Variants in TTC7A observed in about 807,000 individuals in gnomAD.
TTC7A encodes the protein tetratricopeptide repeat domain 7A.
A neutral mutation model predicts 103.7 loss-of-function variants in TTC7A; 110 were observed. That is an observed-to-expected ratio of 1.06 (90% CI 0.91 to 1.24). The LOEUF is 1.24. TTC7A is among the 50% of genes most tolerant of loss of function. The probability of loss-of-function intolerance (pLI) is 0.00; values close to 1 mark genes in which losing one functional copy is unlikely to be tolerated. For missense variants in TTC7A, 1,340 were observed against 1,116.3 expected, an observed-to-expected ratio of 1.20 and a Z score of -2.86; for synonymous variants, 521 against 467.9, an observed-to-expected ratio of 1.11 and a Z score of -1.47.
chr2:47,042,519 A>T (rs1205047635), intron 15 of TTC7A, among the ~76,000 whole-genome samples: 1 of 151,658 alleles, frequency 6.6e-6, no homozygotes, highest in Non-Finnish European at 1.5e-5. Context: ...AAAAAAGGAA[A>T]TTTCTTTTAT....
At position 47,022,212 on chromosome 2, in the gene TTC7A, C is replaced by G. The variant is rs542534905; in HGVS notation, c.1510+233C>G. 1.3e-5 allele frequency among the ~76,000 whole-genome samples: 2 copies of G among 152,302 alleles called. 1 individual carries two copies. The highest frequency in any genetic ancestry group is 4.1e-4 in the South Asian group (2 of 4,822). ...CAGACTGTCGCCACCCTCAAGCATG[C>G]CTTCCTCTCCCCTCTTCATGGGCCT... On this transcript the variant is annotated intron_variant, in intron 12 of 19. Coordinates refer to ENST00000319190, the MANE Select transcript of TTC7A (RefSeq NM_020458.4).
chr2:47,010,334 T>C (rs1422897619), intron 10 of TTC7A, among the ~76,000 whole-genome samples: 1 of 152,190 alleles, frequency 6.6e-6, no homozygotes, highest in South Asian at 2.1e-4. Context: ...AGTAAAACTT[T>C]ATTTACAAAA....
At chr2:46,990,657 C>G (rs1470944378) in intron 5 of TTC7A, among the ~76,000 whole-genome samples, 1 of 152,198 alleles carries the variant, frequency 6.6e-6, no homozygotes, top group East Asian at 1.9e-4. Context: ...ATCTTCCTAA[C>G]AGGACTATGA....
chr2:47,067,126 G>A (rs1482088182), intron 19 of TTC7A, among the ~76,000 whole-genome samples: 1 of 152,186 alleles, frequency 6.6e-6, no homozygotes, highest in Non-Finnish European at 1.5e-5. Flanking sequence ...CCTCTTAAAG[G>A]TCTCACACTT....
chr2:46,922,617 T>C (rs1372154678), intron 2 of TTC7A, among the ~76,000 whole-genome samples: 1 of 152,140 alleles, frequency 6.6e-6, no homozygotes, highest in Non-Finnish European at 1.5e-5. Context: ...AAATTTTGTT[T>C]CTGGTTCATA....
chr2:46,917,044 G>C (rs1668839026), intron 1 of TTC7A: 2 of 615,950 alleles, frequency 3.2e-6, no homozygotes, highest in African/African-American at 3.7e-5. Flanking sequence ...TGGCTAAGTA[G>C]TTAGATGCCT....
At chr2:46,927,446 T>C (rs1669448779) in intron 2 of TTC7A, among the ~76,000 whole-genome samples, 1 of 147,566 alleles carries the variant, frequency 6.8e-6, no homozygotes, top group African/African-American at 2.5e-5. Context: ...AGGCTCCACC[T>C]CCCGGGTTCA....
intron 19 of TTC7A, among the ~76,000 whole-genome samples, chr2:47,072,914 C>T (rs1434147839): frequency 6.6e-6 from 1 of 152,194 alleles, no homozygotes; most frequent in Non-Finnish European, 1.5e-5. Context: ...CACTTCCCAG[C>T]CTCTTCTTAT....
intron 4 of TTC7A, among the ~76,000 whole-genome samples, chr2:46,976,559 G>C (rs1673899964): frequency 6.6e-6 from 1 of 152,222 alleles, no homozygotes; most frequent in Non-Finnish European, 1.5e-5. Flanking sequence ...ACCCGTTTTT[G>C]TGATGGGCCA....
chr2:47,057,962 C>G (rs1327028495), intron 18 of TTC7A, among the ~76,000 whole-genome samples: 1 of 152,202 alleles, frequency 6.6e-6, no homozygotes, highest in East Asian at 1.9e-4. Flanking sequence ...CACTCTTTCT[C>G]CTCCTTGTGG....
chr2:46,919,458 G>A lies in TTC7A; in HGVS notation c.82+2181G>A, dbSNP rs796233607. Among the ~76,000 whole-genome samples the A allele has an allele frequency of 5.3e-5, 8 of 152,298 alleles. 1 individual carries two copies. The highest frequency in any genetic ancestry group is 2.1e-4 in the South Asian group (1 of 4,826). On this transcript the variant is annotated intron_variant, in intron 2 of 20. Transcript: ENST00000409245. ...TGAAGCAGGAGAATTGCTTGAACCC[G>A]GGCAGCAGAGGTTGAGGTGAGCTGA...
intron 15 of TTC7A, among the ~76,000 whole-genome samples, chr2:47,039,439 G>A (rs1255428433): frequency 6.6e-6 from 1 of 152,212 alleles, no homozygotes; most frequent in Non-Finnish European, 1.5e-5. Context: ...GGGGACACAG[G>A]GAGGGTGAGG....
chr2:47,022,257 C>T (rs1423898905), intron 12 of TTC7A, among the ~76,000 whole-genome samples: 1 of 152,222 alleles, frequency 6.6e-6, no homozygotes, highest in African/African-American at 2.4e-5. Flanking sequence ...GCCACAGCTC[C>T]AGCAAAGCCC....
At chr2:47,066,501 ACT>A (rs10606574) in intron 19 of TTC7A, among the ~76,000 whole-genome samples, 35,008 of 151,644 alleles carry the variant, frequency 0.23, 6,989 homozygotes, top group East Asian at 0.62. Context: ...AAAAGGATGA[ACT>A]CTCTGGCCAC....
intron 8 of TTC7A, among the ~76,000 whole-genome samples, chr2:47,001,208 G>A (rs1191623336): frequency 6.6e-6 from 1 of 152,174 alleles, no homozygotes; most frequent in Admixed American, 6.5e-5. Flanking sequence ...CCCTGTTTAT[G>A]TCCAGGGTTA....
At chr2:46,975,902 A>G (rs976567031) in intron 4 of TTC7A, among the ~76,000 whole-genome samples, 1 of 151,734 alleles carries the variant, frequency 6.6e-6, no homozygotes, top group Non-Finnish European at 1.5e-5. Flanking sequence ...GTGCCCTTCT[A>G]ATTTTTGTAT....
At chr2:46,938,987 G>C (rs1261609188), upstream of TTC7A, among the ~76,000 whole-genome samples, 1 of 150,830 alleles carries the variant, frequency 6.6e-6, no homozygotes, top group Non-Finnish European at 1.5e-5. Context: ...TTCCAGCCTG[G>C]GCAACAGAGC....
chr2:47,069,445 T>C (rs2103620152), intron 19 of TTC7A, among the ~76,000 whole-genome samples: 1 of 152,244 alleles, frequency 6.6e-6, no homozygotes, highest in East Asian at 1.9e-4. Flanking sequence ...GTTGGGCTCC[T>C]TGTGAGTCTG....
At chr2:46,931,528 T>C (rs2103842350) in intron 2 of TTC7A, among the ~76,000 whole-genome samples, 1 of 148,254 alleles carries the variant, frequency 6.7e-6, no homozygotes, top group South Asian at 2.1e-4. Context: ...AGGGTCAGAG[T>C]CAGAGTAGAG....
Sources: allele counts gnomAD v4.1 joint callset (sites outside exome capture counted in the v4.1 genomes callset), GRCh38; gene constraint gnomAD v4.1.1; transcripts MANE v1.5; gene names NCBI Gene and HGNC (gene_info 2026-07-23, HGNC 2026-07-21).